ADAMTS17: variants seen among roughly 807,000 people sequenced by gnomAD.
ADAMTS17 encodes the protein A disintegrin and metalloproteinase with thrombospondin motifs 17.
In ADAMTS17, 113 loss-of-function variants were observed where a neutral mutation model predicts 141.5. The observed-to-expected ratio is 0.80, with a 90% CI of 0.69 to 0.93. The LOEUF (loss-of-function observed/expected upper bound fraction) is 0.93. Ranked by LOEUF, ADAMTS17 falls within the 40% of genes least tolerant of loss-of-function variation. The probability of loss-of-function intolerance (pLI) is 0.00; values close to 1 mark genes in which losing one functional copy is unlikely to be tolerated. For synonymous variants in ADAMTS17, 768 were observed against 630.6 expected (o/e 1.22, Z -3.27); for missense variants, 1,659 against 1,517.9 (o/e 1.09, Z -1.54).
At chr15:100,330,739 A>G (rs1202769128) in intron 3 of ADAMTS17, 150 bp downstream of exon 3, 1 of 964,586 alleles carries the variant, frequency 1.0e-6, no homozygotes, top group African/African-American at 1.6e-5. Flanking sequence ...CATAGAAAGG[A>G]AAAGGAAGTG....
intron 18 of ADAMTS17, among the ~76,000 whole-genome samples, chr15:100,013,560 G>A (rs928573166): frequency 7.2e-5 from 11 of 152,076 alleles, no homozygotes; most frequent in Non-Finnish European, 1.3e-4. Context: ...TATGTCCCTC[G>A]CATGCCGGTT....
rs777285615 is a variant in ADAMTS17, at chr15:100,141,817, C to T, written c.1474-8502G>A. On this transcript the variant is annotated intron_variant, in intron 10 of 21. Coordinates refer to ENST00000268070, the MANE Select transcript of ADAMTS17 (RefSeq NM_139057.4). The stretch of plus-strand genomic sequence containing the variant: ...TCTGGAAAATTAGGACCATCTGCTG[C>T]CAAAGTCCAACGGCTCTGAGAGGCT... Among the ~76,000 whole-genome samples the T allele has an allele frequency of 7.2e-4, 110 of 152,256 alleles. 3 individuals are homozygous for T. Among genetic ancestry groups the T allele is most frequent in the Admixed American group, 4.6e-4 (7 of 15,292 alleles).
At chr15:100,254,289 TG>T in intron 6 of ADAMTS17, 110 bp from the exon 7 acceptor site, 1 of 988,650 alleles carries the variant, frequency 1.0e-6, no homozygotes, top group Non-Finnish European at 1.6e-6. Flanking sequence ...ATTTTTCCAG[TG>T]GACACAGGCC....
chr15:100,107,465 T>C (rs1436780714), intron 14 of ADAMTS17, among the ~76,000 whole-genome samples: 1 of 152,082 alleles, frequency 6.6e-6, no homozygotes, highest in African/African-American at 2.4e-5. Context: ...AACGTGGTCA[T>C]AGGATGACAG....
intron 8 of ADAMTS17, among the ~76,000 whole-genome samples, chr15:100,161,595 T>C (rs772845186): frequency 2.0e-5 from 3 of 152,220 alleles, no homozygotes; most frequent in Non-Finnish European, 2.9e-5. Flanking sequence ...TAAGAAATAG[T>C]GGGCAGATGT....
intron 3 of ADAMTS17, among the ~76,000 whole-genome samples, chr15:100,307,989 G>T (rs1435583677): frequency 6.6e-6 from 1 of 152,198 alleles, no homozygotes; most frequent in African/African-American, 2.4e-5. Context: ...TAAGCAGCTG[G>T]TGCATATCCT....
At chr15:100,299,088 T>C (rs903043243) in intron 3 of ADAMTS17, among the ~76,000 whole-genome samples, 1 of 152,162 alleles carries the variant, frequency 6.6e-6, no homozygotes, top group African/African-American at 2.4e-5. Context: ...GGGACCCACC[T>C]TCATCACCTT....
At chr15:99,990,441 T>C (rs1466074019) in intron 20 of ADAMTS17, among the ~76,000 whole-genome samples, 1 of 151,906 alleles carries the variant, frequency 6.6e-6, no homozygotes, top group Non-Finnish European at 1.5e-5. Context: ...CAAGTAACTG[T>C]GTGACGTCCC....
At chr15:100,320,222 AT>A (rs2045690363) in intron 3 of ADAMTS17, among the ~76,000 whole-genome samples, 1 of 152,304 alleles carries the variant, frequency 6.6e-6, no homozygotes, top group East Asian at 1.9e-4. Flanking sequence ...GGAGGAAAAA[AT>A]AGTAAGATCC....
At chr15:100,199,230 C>G in intron 8 of ADAMTS17, 88 bp downstream of exon 8, 1 of 1,254,926 alleles carries the variant, frequency 8.0e-7, no homozygotes, top group Middle Eastern at 1.9e-4. Context: ...TAGAGCAGCA[C>G]TGTTTTAGAA....
At chr15:100,152,871 ACGTTCCTT>A in intron 9 of ADAMTS17, 109 bp from the exon 10 acceptor site, 1 of 1,426,332 alleles carries the variant, frequency 7.0e-7, no homozygotes. Flanking sequence ...GGGCACCTCC[ACGTTCCTT>A]ATGGAAAAAG....
At chr15:100,310,317 C>G (rs567832245) in intron 3 of ADAMTS17, among the ~76,000 whole-genome samples, 1 of 152,328 alleles carries the variant, frequency 6.6e-6, no homozygotes, top group African/African-American at 2.4e-5. Context: ...TAAAGCATCC[C>G]CCAAAAGCAC....
chr15:100,259,484 T>G (rs2043441630), intron 6 of ADAMTS17, among the ~76,000 whole-genome samples: 2 of 152,230 alleles, frequency 1.3e-5, no homozygotes, highest in Non-Finnish European at 2.9e-5. Context: ...AGGCTCCCAG[T>G]GCTCACTGGA....
chr15:100,073,366 A>G (rs1316411316), intron 15 of ADAMTS17, among the ~76,000 whole-genome samples: 1 of 152,192 alleles, frequency 6.6e-6, no homozygotes, highest in Admixed American at 6.5e-5. Flanking sequence ...GATTCCTCAG[A>G]GATCTTGAAC....
intron 7 of ADAMTS17, among the ~76,000 whole-genome samples, chr15:100,240,955 A>G (rs1301558198): frequency 6.6e-6 from 1 of 152,092 alleles, no homozygotes; most frequent in African/African-American, 2.4e-5. Context: ...CCTCCTGAGT[A>G]GCTGGGATTA....
chr15:100,007,629 G>C (rs2061062644), intron 18 of ADAMTS17, among the ~76,000 whole-genome samples: 1 of 152,068 alleles, frequency 6.6e-6, no homozygotes, highest in Non-Finnish European at 1.5e-5. Flanking sequence ...GAAATGTCAG[G>C]CTCAGGACTC....
chr15:100,169,407 C>A (rs1197999276), intron 8 of ADAMTS17, among the ~76,000 whole-genome samples: 3 of 152,134 alleles, frequency 2.0e-5, no homozygotes, highest in Non-Finnish European at 4.4e-5. Flanking sequence ...CTCATGCCCA[C>A]CAAGTGGGGA....
rs1391444598 is a variant in ADAMTS17 at position 100,231,028 on chromosome 15, GA to G, written c.1075+23107del. On this transcript the variant is annotated intron_variant, in intron 7 of 21. Transcript: ENST00000268070. Reference sequence around the variant, plus strand: ...CTGAGAACTCTGTTGGCACCAAAAGGAATTGTGAAGTTGGCAACCCCATCAG... The same window carrying G: ...CTGAGAACTCTGTTGGCACCAAAAGGATTGTGAAGTTGGCAACCCCATCAG... 3.9e-5 allele frequency among the ~76,000 whole-genome samples: 6 copies of G among 152,322 alleles called. No individual in the cohort carries two copies. In the East Asian group the frequency reaches 1.2e-3, roughly 29 times the overall value.
intron 18 of ADAMTS17, among the ~76,000 whole-genome samples, chr15:100,038,500 G>A (rs924977486): frequency 6.6e-6 from 1 of 152,088 alleles, no homozygotes; most frequent in African/African-American, 2.4e-5. Flanking sequence ...GAAAATGAAT[G>A]TCTATTTGAG....
Sources: gnomAD v4.1 joint callset for allele counts (sites outside exome capture counted in the v4.1 genomes callset) on GRCh38, gnomAD v4.1.1 for gene constraint, MANE v1.5 for transcripts, NCBI Gene and HGNC (gene_info 2026-07-23, HGNC 2026-07-21) for gene names.